GNA12: variants seen among roughly 807,000 people sequenced by gnomAD.
GNA12 encodes the protein G protein subunit alpha 12.
A neutral mutation model predicts 26.0 loss-of-function variants in GNA12; 9 were observed. The observed-to-expected ratio is 0.35, with a 90% CI of 0.21 to 0.60. GNA12 has a LOEUF of 0.60. Ranked by LOEUF, GNA12 falls within the 20% of genes least tolerant of loss-of-function variation. The pLI, the probability that GNA12 is intolerant of heterozygous loss-of-function variation, is 0.78. For synonymous variants in GNA12, 264 were observed against 219.6 expected, an observed-to-expected ratio of 1.20 and a Z score of -1.79; for missense variants, 405 against 525.8, an observed-to-expected ratio of 0.77 and a Z score of 2.25.
chr7:2,741,208 C>T (rs547732171), intron 2 of GNA12, among the ~76,000 whole-genome samples: 1 of 152,276 alleles, frequency 6.6e-6, no homozygotes, highest in East Asian at 1.9e-4. Flanking sequence ...AGCACCTAGA[C>T]TAGGTGTGGC....
intron 1 of GNA12, among the ~76,000 whole-genome samples, chr7:2,802,959 C>T (rs896020197): frequency 9.2e-5 from 14 of 152,320 alleles, no homozygotes; most frequent in African/African-American, 2.9e-4. Context: ...CATAACTCCG[C>T]GGATTTGCCT....
chr7:2,823,494 G>C (rs923690847), intron 1 of GNA12, among the ~76,000 whole-genome samples: 1 of 152,104 alleles, frequency 6.6e-6, no homozygotes, highest in Non-Finnish European at 1.5e-5. Flanking sequence ...ATCATTCTTT[G>C]GTCTTTCAAG....
rs1791408337 is a variant in GNA12 at position 2,758,541 on chromosome 7, T to C, written c.526-25040A>G. Among the ~76,000 whole-genome samples the C allele has an allele frequency of 2.6e-5, 4 of 152,176 alleles. No individual in the cohort carries two copies. In the South Asian group the frequency reaches 8.3e-4, roughly 32 times the overall value. ...GTGTGATGGAACGTATCTCCTGTGATTGGGCGACTTTCAGCTAAGCCAAAG... is the reference window on the plus strand; with the variant it reads ...GTGTGATGGAACGTATCTCCTGTGACTGGGCGACTTTCAGCTAAGCCAAAG... On this transcript the variant is annotated intron_variant, in intron 2 of 3. Coordinates refer to ENST00000275364, the MANE Select transcript of GNA12 (RefSeq NM_007353.3).
intron 2 of GNA12, among the ~76,000 whole-genome samples, chr7:2,748,611 A>G (rs916600979): frequency 1.1e-4 from 17 of 152,310 alleles, no homozygotes; most frequent in Admixed American, 5.2e-4. Context: ...CAAGGACTTC[A>G]TGTCTAAAAC....
At chr7:2,808,365 C>T (rs1793000855) in intron 1 of GNA12, among the ~76,000 whole-genome samples, 1 of 152,210 alleles carries the variant, frequency 6.6e-6, no homozygotes, top group African/African-American at 2.4e-5. Context: ...TGCTTCTGCA[C>T]CTTCTGCAGA....
intron 1 of GNA12, among the ~76,000 whole-genome samples, chr7:2,804,124 C>G (rs1325545737): frequency 1.3e-5 from 2 of 152,202 alleles, no homozygotes; most frequent in African/African-American, 2.4e-5. Flanking sequence ...AACTTGAGAA[C>G]ACAAACACAC....
chr7:2,826,245 G>A (rs1272569194), intron 1 of GNA12, among the ~76,000 whole-genome samples: 3 of 151,962 alleles, frequency 2.0e-5, no homozygotes, highest in Non-Finnish European at 4.4e-5. Flanking sequence ...AGGCTTGGTG[G>A]TGGATGCCTG....
intron 2 of GNA12, among the ~76,000 whole-genome samples, chr7:2,742,339 G>C (rs1440273853): frequency 3.3e-5 from 5 of 152,128 alleles, no homozygotes; most frequent in African/African-American, 7.2e-5. Context: ...TTGAAGAAGA[G>C]GGCTGCCTCC....
intron 2 of GNA12, among the ~76,000 whole-genome samples, chr7:2,772,227 G>C (rs1371212868): frequency 6.6e-6 from 1 of 152,214 alleles, no homozygotes; most frequent in Admixed American, 6.5e-5. Flanking sequence ...GCACAAACCT[G>C]TTATAGAAGA....
rs1792417014 is a variant in GNA12 at position 2,788,274 on chromosome 7, G to C, written c.525+6654C>G. ...TGCTCAACAGCTCCTCCCCGGGACAGTTTGCTGGCTGTGAGTCCACGCCGC... is the reference window on the plus strand; with the variant it reads ...TGCTCAACAGCTCCTCCCCGGGACACTTTGCTGGCTGTGAGTCCACGCCGC... On this transcript the variant is annotated intron_variant, in intron 2 of 3. Transcript: ENST00000275364. Among the ~76,000 whole-genome samples, 4 of 152,338 alleles carry C rather than the reference G, an allele frequency of 2.6e-5. No individual in the cohort carries two copies. In the South Asian group the frequency reaches 8.3e-4, roughly 32 times the overall value.
rs1789907335 is a variant in GNA12 at position 2,731,724 on chromosome 7, G to A, written c.603C>T (p.Ile201=). The part of the protein sequence containing the change: ...QLNYFPSKQD[I]LLARKATKGI... ...CCTTGGTGGCTTTCCTAGCCAGCAGGATATCTTGCTTACTAGGAAAGTAAT... is the reference window on the plus strand; with the variant it reads ...CCTTGGTGGCTTTCCTAGCCAGCAGAATATCTTGCTTACTAGGAAAGTAAT... Residue 201 remains isoleucine (I), a synonymous_variant, in exon 4 of 4, where the codon ATC becomes ATT. Coordinates refer to ENST00000275364, the MANE Select transcript of GNA12 (RefSeq NM_007353.3). The surrounding 1 kb of genome is among the most constrained non-coding windows in gnomAD (Gnocchi z 6.0). The A allele has an allele frequency of 1.3e-6, 2 of 1,554,040 alleles. No homozygotes were observed. The highest frequency in any genetic ancestry group is 1.2e-5 in the South Asian group (1 of 83,734).
rs954175741 is a variant in GNA12, at chr7:2,731,531, G to A, written c.796C>T (p.Arg266Cys). The A allele has an allele frequency of 4.3e-6, 7 of 1,611,726 alleles. No individual in the cohort carries two copies. The highest frequency in any genetic ancestry group is 5.1e-6 in the Non-Finnish European group (6 of 1,178,342). Reference protein sequence around the residue: ...EYDQVLMEDRRTNRLVESMNI... With the variant: ...EYDQVLMEDRCTNRLVESMNI... ...ATGGACTCCACCAGCCGGTTGGTGC[G>A]CCTGTCCTCCATGAGGACCTGGTCG... Residue 266 changes from arginine (R) to cysteine (C), a missense_variant, in exon 4 of 4, where the codon CGC becomes TGC. By Grantham distance (180) the Arg-to-Cys change is radical. Transcript: ENST00000275364. The surrounding 1 kb of genome is among the most constrained non-coding windows in gnomAD (Gnocchi z 6.0).
intron 1 of GNA12, among the ~76,000 whole-genome samples, chr7:2,803,637 CA>C (rs1792871238): frequency 6.6e-6 from 1 of 152,152 alleles, no homozygotes; most frequent in Non-Finnish European, 1.5e-5. Context: ...AGGTTTTCAA[CA>C]AATTTAGTTC....
At chr7:2,747,949 C>A (rs1278859003) in intron 2 of GNA12, among the ~76,000 whole-genome samples, 2 of 151,332 alleles carry the variant, frequency 1.3e-5, no homozygotes, top group Middle Eastern at 3.2e-3. Flanking sequence ...ATCCAACTTA[C>A]AAGGGATGTG....
intron 2 of GNA12, chr7:2,762,723 C>T (rs1169366502): frequency 1.3e-6 from 2 of 1,560,784 alleles, no homozygotes; most frequent in Non-Finnish European, 1.7e-6. Flanking sequence ...GGGAAGCAGG[C>T]CCCATGTCCT....
At chr7:2,745,669 A>G (rs1445486947) in intron 2 of GNA12, among the ~76,000 whole-genome samples, 1 of 152,214 alleles carries the variant, frequency 6.6e-6, no homozygotes, top group East Asian at 1.9e-4. Context: ...ACACATAACA[A>G]TATTAACTTT....
chr7:2,779,890 G>A (rs140292201), intron 2 of GNA12, among the ~76,000 whole-genome samples: 20 of 151,912 alleles, frequency 1.3e-4, no homozygotes, highest in Middle Eastern at 3.4e-3. Flanking sequence ...GAGCCAGCAG[G>A]CTTGGCGAAT....
Position 2,789,636 on chromosome 7 carries a change from A to C in GNA12, c.525+5292T>G, listed in dbSNP as rs555333640. 1.3e-3 allele frequency among the ~76,000 whole-genome samples: 192 copies of C among 152,296 alleles called. 1 individual carries two copies. The highest frequency in any genetic ancestry group is 1.9e-3 in the Non-Finnish European group (128 of 68,024). On this transcript the variant is annotated intron_variant, in intron 2 of 3. Coordinates refer to ENST00000275364, the MANE Select transcript of GNA12 (RefSeq NM_007353.3). ...CCTTACAGCACACAGACCGGGTGGC[A>C]ACATCCCACCCACTGCTCCAGTTAG...
At chr7:2,753,959 G>A (rs1016187665) in intron 2 of GNA12, among the ~76,000 whole-genome samples, 1 of 152,132 alleles carries the variant, frequency 6.6e-6, no homozygotes, top group Admixed American at 6.5e-5. Flanking sequence ...GTCCGGCGGC[G>A]CATCTTAGGT....
Sources: gnomAD v4.1 joint callset for allele counts (sites outside exome capture counted in the v4.1 genomes callset) on GRCh38, gnomAD v4.1.1 for gene constraint, Gnocchi (gnomAD v3.1) non-coding constraint, MANE v1.5 for transcripts, NCBI Gene and HGNC (gene_info 2026-07-23, HGNC 2026-07-21) for gene names.